The following RNASET2 variants were observed in gnomAD, a reference collection of about 807,000 sequenced individuals.
RNASET2 encodes ribonuclease T2.
RNASET2 carries 28 observed loss-of-function variants against 33.9 expected under a neutral mutation model. The observed-to-expected ratio is 0.83, with a 90% CI of 0.61 to 1.13. RNASET2 has a LOEUF of 1.13. RNASET2 is among the 50% of genes most tolerant of loss of function. RNASET2 has a pLI of 0.00. For missense variants in RNASET2, 330 were observed against 319.9 expected, an observed-to-expected ratio of 1.03 and a Z score of -0.24; for synonymous variants, 123 against 121.0, an observed-to-expected ratio of 1.02 and a Z score of -0.11.
At chr6:166,934,358 T>TA in intron 6 of RNASET2, 2 of 550,094 alleles carry the variant, frequency 3.6e-6, no homozygotes, top group Admixed American at 6.0e-5. Context: ...TCCAGGCAGG[T>TA]ACCCTTTCCA....
At chr6:166,948,260 C>T (rs1026367540) in intron 3 of RNASET2, 3 of 406,904 alleles carry the variant, frequency 7.4e-6, no homozygotes, top group Non-Finnish European at 1.4e-5. Flanking sequence ...GCAGGAGAAT[C>T]ACTTGAACCT....
At chr6:166,930,480 C>T (rs1030517085) in intron 8 of RNASET2, among the ~76,000 whole-genome samples, 1 of 151,020 alleles carries the variant, frequency 6.6e-6, no homozygotes, top group South Asian at 2.1e-4. Context: ...CACACACACA[C>T]ACGCACATGC....
intron 3 of RNASET2, among the ~76,000 whole-genome samples, chr6:166,947,811 G>A (rs1778883943): frequency 6.6e-6 from 1 of 152,152 alleles, no homozygotes; most frequent in Middle Eastern, 3.2e-3. Context: ...CCTTCAGATG[G>A]GGCGATTAAT....
chr6:166,941,633 G>A (rs1432680376), intron 5 of RNASET2, among the ~76,000 whole-genome samples: 8 of 152,112 alleles, frequency 5.3e-5, no homozygotes, highest in Admixed American at 4.6e-4. Flanking sequence ...CCACTTCACT[G>A]CCACACCGAT....
chr6:166,952,482 A>G lies in RNASET2; in HGVS notation c.147+6T>C. 1.9e-6 allele frequency: 3 copies of G among 1,613,580 alleles called. 1 individual carries two copies. Among genetic ancestry groups the G allele is most frequent in the Non-Finnish European group, 2.5e-6 (3 of 1,179,482 alleles). ...CCCCAGGGCCCGTCAAGGCAGAAACACTCACCTCGCATACTGTCTCAGGCC... is the reference window on the plus strand; with the variant it reads ...CCCCAGGGCCCGTCAAGGCAGAAACGCTCACCTCGCATACTGTCTCAGGCC... On this transcript the variant is annotated splice_donor_region_variant and intron_variant, in intron 2 of 8. Transcript: ENST00000508775.
intron 3 of RNASET2, among the ~76,000 whole-genome samples, chr6:166,948,088 G>A (rs1156608044): frequency 6.6e-6 from 1 of 152,172 alleles, no homozygotes; most frequent in Non-Finnish European, 1.5e-5. Context: ...GCTCACACCT[G>A]TAATCCCAGC....
At chr6:166,939,318 C>A (rs944134824) in intron 5 of RNASET2, among the ~76,000 whole-genome samples, 2 of 152,002 alleles carry the variant, frequency 1.3e-5, no homozygotes, top group East Asian at 1.9e-4. Context: ...GGGCAAGAGA[C>A]AAACTCCATC....
intron 8 of RNASET2, among the ~76,000 whole-genome samples, chr6:166,930,352 A>G (rs1360210471): frequency 6.6e-6 from 1 of 151,778 alleles, no homozygotes; most frequent in Non-Finnish European, 1.5e-5. Context: ...CTGTGCACAC[A>G]TGCAGAACAT....
Position 166,929,669 on chromosome 6 carries a change from A to G in RNASET2, c.690T>C (p.Asn230=), listed in dbSNP as rs1244702124. The change falls in exon 9 of 9, where the codon AAT becomes AAC. Residue 230 remains asparagine, a synonymous_variant. Transcript: ENST00000508775. ...PSPKQEVWLA[N]GAAESRGLRV... is the part of the protein sequence containing the mutation. ...TCAGACCCCGGCTCTCGGCGGCCCC[A>G]TTTGCCAGCCAGACTTCCTGCTTGG... 6.2e-7 allele frequency: 1 copy of G among 1,613,908 alleles called. No individual in the cohort carries two copies.
rs2128643973 is a variant in RNASET2 at position 166,930,961 on chromosome 6, A to G, written c.567+83T>C. 6.4e-6 allele frequency: 6 copies of G among 932,514 alleles called. No homozygotes were observed. The East Asian group carries it at 1.2e-4, about 19-fold the overall frequency. The allele number at this position is 932,514 out of a possible 1,614,324, so 57.8% of individuals were successfully genotyped here. ...CACAAATACAAGTCTGCCCCAGGGA[A>G]CTGCATGGTGAAGACAAGGCCATCA... On this transcript the variant is annotated intron_variant, in intron 8 of 8. Coordinates refer to ENST00000508775, the MANE Select transcript of RNASET2 (RefSeq NM_003730.6).
At chr6:166,931,313 C>T (rs939781256) in intron 7 of RNASET2, 195 bp from the exon 8 acceptor site, 7 of 616,516 alleles carry the variant, frequency 1.1e-5, no homozygotes, top group African/African-American at 9.2e-5. Context: ...GGGCTTCATC[C>T]CCAGACCACA....
chr6:166,946,091 C>T (rs1239582282), intron 4 of RNASET2, among the ~76,000 whole-genome samples: 4 of 152,106 alleles, frequency 2.6e-5, no homozygotes, highest in Admixed American at 6.5e-5. Flanking sequence ...GTGAAGACTC[C>T]GTATGACATA....
intron 4 of RNASET2, among the ~76,000 whole-genome samples, chr6:166,944,863 C>T (rs3778439): frequency 0.035 from 5,239 of 151,298 alleles, 148 homozygotes; most frequent in East Asian, 0.083. Flanking sequence ...CCCCTCTGCC[C>T]ACCAGGCCCA....
intron 1 of RNASET2, among the ~76,000 whole-genome samples, chr6:166,955,327 G>GA (rs1779117797): frequency 5.2e-5 from 3 of 57,604 alleles, no homozygotes; most frequent in African/African-American, 2.8e-4. Context: ...GCACACACAC[G>GA]CACGCACGCA....
At chr6:166,930,522 T>G (rs1562492566) in intron 8 of RNASET2, among the ~76,000 whole-genome samples, 2 of 136,292 alleles carry the variant, frequency 1.5e-5, no homozygotes, top group Non-Finnish European at 1.6e-5. Context: ...ATGCACACAT[T>G]CACACATGCA....
chr6:166,952,358 C>T, intron 2 of RNASET2, 130 bp downstream of exon 2: 1 of 820,198 alleles, frequency 1.2e-6, no homozygotes, highest in Non-Finnish European at 2.1e-6. Context: ...GCAGGAGACA[C>T]CGCCCACCCG....
chr6:166,953,431 A>C (rs1164468979), intron 1 of RNASET2: 1 of 152,260 alleles, frequency 6.6e-6, no homozygotes, highest in Non-Finnish European at 1.5e-5. Flanking sequence ...CTTCAGGATA[A>C]ATCAAATTTT....
At position 166,956,094 on chromosome 6, in the gene RNASET2, C is replaced by T. The variant is rs1287163802; in HGVS notation, c.86+3G>A. The T allele has an allele frequency of 6.4e-7, 1 of 1,552,194 alleles. No individual in the cohort carries two copies. Among genetic ancestry groups the T allele is most frequent in the Admixed American group, 2.0e-5 (1 of 51,122 alleles). ...CCCCACTTTACCTCGCAAGGTAACTCACCGCAGGCGCTTGTCCGCACCGCC... is the reference window on the plus strand; with the variant it reads ...CCCCACTTTACCTCGCAAGGTAACTTACCGCAGGCGCTTGTCCGCACCGCC... On this transcript the variant is annotated splice_donor_region_variant and intron_variant, in intron 1 of 8. Transcript: ENST00000508775.
chr6:166,954,713 G>T (rs1583238024), intron 1 of RNASET2, among the ~76,000 whole-genome samples: 1 of 152,226 alleles, frequency 6.6e-6, no homozygotes, highest in South Asian at 2.1e-4. Flanking sequence ...TACCTAAGGT[G>T]TTTAAAAAGT....
Sources: allele counts gnomAD v4.1 joint callset (sites outside exome capture counted in the v4.1 genomes callset), GRCh38; gene constraint gnomAD v4.1.1; transcripts MANE v1.5; gene names NCBI Gene and HGNC (gene_info 2026-07-23, HGNC 2026-07-21).